The following NAB1 variants were observed in gnomAD, a reference collection of about 807,000 sequenced individuals.
The protein encoded by NAB1 is NGFI-A binding protein 1, also known as NGFI-A-binding protein 1.
NAB1 carries 25 observed loss-of-function variants against 49.9 expected under a neutral mutation model. That is an observed-to-expected ratio of 0.50 (90% CI 0.37 to 0.70). The LOEUF (loss-of-function observed/expected upper bound fraction) is 0.70, where lower values mean the gene tolerates loss of function less well. NAB1 is among the 30% of genes least tolerant of loss of function. NAB1 has a pLI of 0.00. For missense variants in NAB1, 489 were observed against 575.9 expected (o/e 0.85, Z 1.54); for synonymous variants, 198 against 215.6 (o/e 0.92, Z 0.71).
intron 4 of NAB1, among the ~76,000 whole-genome samples, chr2:190,664,080 G>A (rs1416259973): frequency 6.6e-6 from 1 of 152,072 alleles, no homozygotes; most frequent in East Asian, 1.9e-4. Context: ...TTAGTAGAGT[G>A]TTCTATATGT....
rs1172203081 is a variant in NAB1, at chr2:190,655,997, A to G, written c.-176A>G. On this transcript the variant is annotated 5_prime_UTR_variant, in exon 3 of 10. Transcript: ENST00000337386. ...TATAGGACTGAGCAGGGGGAGGAAC[A>G]TTTAAGCTGATGGAAGTGGAAGTGG... 1 of 152,272 alleles carries G rather than the reference A, an allele frequency of 6.6e-6. No homozygotes were observed. The highest frequency in any genetic ancestry group is 6.5e-5 in the Admixed American group (1 of 15,292). The allele number at this position is 152,272 out of a possible 1,614,324, so 9.4% of individuals were successfully genotyped here.
rs550448751 is a variant in NAB1 at position 190,679,292 on chromosome 2, A to G, written c.1006-4446A>G. On this transcript the variant is annotated intron_variant, in intron 6 of 9. Transcript: ENST00000337386. This position sits in a 1 kb window ranked among gnomAD's most constrained non-coding sequence, Gnocchi z 5.3. ...AATCTACTTTATGTGACATGCAGTG[A>G]TAGCTACTCGATTTTGTAGTTTTTC... Among the ~76,000 whole-genome samples, 20 of 152,336 alleles carry G rather than the reference A, an allele frequency of 1.3e-4. No homozygotes were observed. Among genetic ancestry groups the G allele is most frequent in the African/African-American group, 4.8e-4 (20 of 41,570 alleles).
In NAB1 at chr2:190,669,783, T is replaced by A. The variant is rs1176940718; in HGVS notation, c.820-543T>A. On this transcript the variant is annotated intron_variant, in intron 4 of 9. Coordinates refer to ENST00000337386, the MANE Select transcript of NAB1 (RefSeq NM_005966.4). The surrounding 1 kb of genome is among the most constrained non-coding windows in gnomAD (Gnocchi z 4.3). ...TGAAAGGGTGGTAGAATTAGATGGA[T>A]CTTAGAGATTAGTCCAACACCTTGA... Among the ~76,000 whole-genome samples the A allele has an allele frequency of 1.3e-5, 2 of 152,234 alleles. No homozygotes were observed. Among genetic ancestry groups the A allele is most frequent in the African/African-American group, 4.8e-5 (2 of 41,474 alleles).
intron 5 of NAB1, among the ~76,000 whole-genome samples, chr2:190,671,046 T>A (rs1694778806): frequency 6.6e-6 from 1 of 152,234 alleles, no homozygotes; most frequent in Admixed American, 6.5e-5. Context: ...TATCCTTACT[T>A]GAGCCATAAG....
intron 2 of NAB1, among the ~76,000 whole-genome samples, chr2:190,653,159 A>G (rs1693751694): frequency 6.6e-6 from 1 of 151,706 alleles, no homozygotes; most frequent in African/African-American, 2.4e-5. Context: ...TACCCATTTC[A>G]CCCTTCTCTC....
intron 4 of NAB1, among the ~76,000 whole-genome samples, chr2:190,661,640 C>T (rs1694233506): frequency 1.3e-5 from 2 of 152,080 alleles, no homozygotes; most frequent in African/African-American, 4.8e-5. Context: ...TGCTAAGGGG[C>T]TCTTTGCCTC....
In NAB1 at chr2:190,669,215, A is replaced by G. The variant is rs1694678768; in HGVS notation, c.820-1111A>G. Reference sequence around the variant, plus strand: ...AACTTATGAATTGTTTATTTGTATAATTTTTCATTTAATATTTTTGGGTCC... The same window carrying G: ...AACTTATGAATTGTTTATTTGTATAGTTTTTCATTTAATATTTTTGGGTCC... On this transcript the variant is annotated intron_variant, in intron 4 of 9. Transcript: ENST00000337386. The surrounding 1 kb of genome is among the most constrained non-coding windows in gnomAD (Gnocchi z 4.3). Among the ~76,000 whole-genome samples the G allele has an allele frequency of 1.3e-5, 2 of 152,172 alleles. No individual in the cohort carries two copies. The highest frequency in any genetic ancestry group is 4.8e-5 in the African/African-American group (2 of 41,446).
chr2:190,688,909 G>A (rs535503178), intron 9 of NAB1, among the ~76,000 whole-genome samples: 2 of 150,822 alleles, frequency 1.3e-5, no homozygotes, highest in East Asian at 2.0e-4. Context: ...GCTCAGTCTC[G>A]GCTCACTCCA....
rs78815438 is a variant in NAB1, at chr2:190,676,092, G to T, written c.1005+2940G>T. Among the ~76,000 whole-genome samples, 635 of 152,198 alleles carry T rather than the reference G, an allele frequency of 4.2e-3. 11 individuals are homozygous for T. In the East Asian group the frequency reaches 0.046, roughly 11 times the overall value. ...TATGTCTACCTTCTATATGGCTTCT[G>T]GGGAGAGGGAGAATTTCTGGTATGA... On this transcript the variant is annotated intron_variant, in intron 6 of 9. Transcript: ENST00000337386. The surrounding 1 kb of genome is among the most constrained non-coding windows in gnomAD (Gnocchi z 4.6).
chr2:190,680,156 C>T lies in NAB1; in HGVS notation c.1006-3582C>T, dbSNP rs1050789277. On this transcript the variant is annotated intron_variant, in intron 6 of 9. Transcript: ENST00000337386. This position sits in a 1 kb window ranked among gnomAD's most constrained non-coding sequence, Gnocchi z 5.2. ...TGAACTCCCCTCCTCCGCGTACATTCTCCCCATCACATTCACATGTGATGG... is the reference window on the plus strand; with the variant it reads ...TGAACTCCCCTCCTCCGCGTACATTTTCCCCATCACATTCACATGTGATGG... 6.6e-6 allele frequency among the ~76,000 whole-genome samples: 1 copy of T among 152,232 alleles called. No individual in the cohort carries two copies. The highest frequency in any genetic ancestry group is 1.5e-5 in the Non-Finnish European group (1 of 68,042).
In NAB1 at chr2:190,689,413, T is replaced by A. The variant is rs1379421630; in HGVS notation, c.1376-832T>A. ...TACTACTCTTACGCGGAACTTAAAA[T>A]CCCCTTCTGTTTAGATAGAGAGGAT... On this transcript the variant is annotated intron_variant, in intron 9 of 9. Transcript: ENST00000337386. This position sits in a 1 kb window ranked among gnomAD's most constrained non-coding sequence, Gnocchi z 4.3. 6.6e-6 allele frequency among the ~76,000 whole-genome samples: 1 copy of A among 152,170 alleles called. No individual in the cohort carries two copies. Among genetic ancestry groups the A allele is most frequent in the Non-Finnish European group, 1.5e-5 (1 of 68,026 alleles).
In NAB1 at chr2:190,685,818, T is replaced by A; in HGVS notation, c.1258+180T>A. On this transcript the variant is annotated intron_variant, in intron 8 of 9. Transcript: ENST00000337386. This position sits in a 1 kb window ranked among gnomAD's most constrained non-coding sequence, Gnocchi z 4.5. ...AAAAGATAATTTATCCTGCAAATTT[T>A]AATTTGTAAATTTTTTAATCTTTAA... 1.8e-6 allele frequency: 1 copy of A among 557,524 alleles called. No individual in the cohort carries two copies. The highest frequency in any genetic ancestry group is 2.7e-6 in the Non-Finnish European group (1 of 365,536). The allele number at this position is 557,524 out of a possible 1,614,324, so 34.5% of individuals were successfully genotyped here.
intron 4 of NAB1, among the ~76,000 whole-genome samples, chr2:190,661,902 A>G (rs1373183694): frequency 6.6e-6 from 1 of 152,240 alleles, no homozygotes; most frequent in African/African-American, 2.4e-5. Context: ...TAACTATCCA[A>G]GATCTTGGAA....
rs1693690866 is a variant in NAB1, at chr2:190,651,954, G to C, written c.-197+1972G>C. On this transcript the variant is annotated intron_variant, in intron 2 of 9. Transcript: ENST00000337386. The surrounding 1 kb of genome is among the most constrained non-coding windows in gnomAD (Gnocchi z 4.3). The stretch of plus-strand genomic sequence containing the variant: ...GAAGATTGCTAGACCCTTTGCTTTG[G>C]ATTTATTTTTATCTTACCTGCTTCT... 6.6e-6 allele frequency among the ~76,000 whole-genome samples: 1 copy of C among 152,104 alleles called. No individual in the cohort carries two copies. Among genetic ancestry groups the C allele is most frequent in the Non-Finnish European group, 1.5e-5 (1 of 68,008 alleles).
chr2:190,683,727 T>G lies in NAB1; in HGVS notation c.1006-11T>G, dbSNP rs766791888. The G allele has an allele frequency of 6.3e-7, 1 of 1,598,168 alleles. No individual in the cohort carries two copies. On this transcript the variant is annotated splice_polypyrimidine_tract_variant and intron_variant, in intron 6 of 9. Coordinates refer to ENST00000337386, the MANE Select transcript of NAB1 (RefSeq NM_005966.4). ...ACTCTAAATATAAAGGACTTCTTAT[T>G]TGACCCACAGGATGGGTTTCCAGAT...
chr2:190,673,416 G>A (rs1180555210), intron 6 of NAB1, among the ~76,000 whole-genome samples: 1 of 152,028 alleles, frequency 6.6e-6, no homozygotes, highest in African/African-American at 2.4e-5. Context: ...GGCTGGTCTT[G>A]CACTCAAACT....
At chr2:190,688,878 C>T (rs767121903) in intron 9 of NAB1, among the ~76,000 whole-genome samples, 5 of 148,532 alleles carry the variant, frequency 3.4e-5, no homozygotes, top group Non-Finnish European at 4.4e-5. Flanking sequence ...CTCGCTTTCT[C>T]GCCCAGGCTG....
At position 190,649,611 on chromosome 2, in the gene NAB1, A is replaced by AT. The variant is rs980852900; in HGVS notation, c.-333-231dup. On this transcript the variant is annotated intron_variant, in intron 1 of 9. Transcript: ENST00000337386. The surrounding 1 kb of genome is among the most constrained non-coding windows in gnomAD (Gnocchi z 6.1). ...CGGGGAGCGCGGCCCTGACTCGTGC[A>AT]TTTTCCCTCCGAGAAAGGTTGGGGT... Among the ~76,000 whole-genome samples, 2 of 151,146 alleles carry AT rather than the reference A, an allele frequency of 1.3e-5. No homozygotes were observed. Among genetic ancestry groups the AT allele is most frequent in the Non-Finnish European group, 2.9e-5 (2 of 67,798 alleles).
At position 190,670,208 on chromosome 2, in the gene NAB1, T is replaced by G. The variant is rs1694733686; in HGVS notation, c.820-118T>G. On this transcript the variant is annotated intron_variant, in intron 4 of 9. Transcript: ENST00000337386. The surrounding 1 kb of genome is among the most constrained non-coding windows in gnomAD (Gnocchi z 5.3). Reference sequence around the variant, plus strand: ...TTAGGAATAAATACCATTCTGATTTTTATGAATAATGATTCCATTATATAA... The same window carrying G: ...TTAGGAATAAATACCATTCTGATTTGTATGAATAATGATTCCATTATATAA... 9.9e-7 allele frequency: 1 copy of G among 1,005,810 alleles called. No homozygotes were observed. The highest frequency in any genetic ancestry group is 3.2e-5 in the Admixed American group (1 of 31,654). 62.3% of individuals were successfully genotyped at this position (1,005,810 alleles called of 1,614,324 possible).
Sources: gnomAD v4.1 joint callset for allele counts (sites outside exome capture counted in the v4.1 genomes callset) on GRCh38, gnomAD v4.1.1 for gene constraint, Gnocchi (gnomAD v3.1) non-coding constraint, MANE v1.5 for transcripts, NCBI Gene and HGNC (gene_info 2026-07-23, HGNC 2026-07-21) for gene names.